LMF1: variants seen among roughly 807,000 people sequenced by gnomAD.
The protein encoded by LMF1 is transmembrane protein 112.
In LMF1, 68 loss-of-function variants were observed where a neutral mutation model predicts 60.6. The observed-to-expected ratio is 1.12, with a 90% CI of 0.92 to 1.37. LMF1 has a LOEUF of 1.37. Ranked by LOEUF, LMF1 falls within the 40% of genes most tolerant of loss-of-function variation. LMF1 has a pLI of 0.00. For missense variants in LMF1, 948 were observed against 767.2 expected, an observed-to-expected ratio of 1.24 and a Z score of -2.78; for synonymous variants, 418 against 324.7, an observed-to-expected ratio of 1.29 and a Z score of -3.09.
At chr16:905,437 T>C (rs973611625) in intron 4 of LMF1, among the ~76,000 whole-genome samples, 1 of 152,208 alleles carries the variant, frequency 6.6e-6, no homozygotes. Context: ...GGAGGAAGTA[T>C]CTCAGTTTAA....
chr16:979,133 T>G (rs2073262231), intron 1 of LMF1: 1 of 451,258 alleles, frequency 2.2e-6, no homozygotes, highest in Non-Finnish European at 4.5e-6. Context: ...AAGTGCTTAA[T>G]TAATACCTGG....
intron 5 of LMF1, chr16:884,298 A>G: frequency 6.6e-6 from 1 of 152,204 alleles, no homozygotes; most frequent in East Asian, 1.9e-4. Flanking sequence ...ATAATCGAAT[A>G]TTGCTTAAAA....
intron 5 of LMF1, 80 bp from the exon 6 acceptor site, chr16:879,817 C>T (rs926450032): frequency 7.2e-7 from 1 of 1,393,468 alleles, no homozygotes; most frequent in Admixed American, 2.1e-5. Context: ...GGTCCCTGGC[C>T]CCCTGACCCC....
chr16:939,287 C>T (rs2072031265), intron 2 of LMF1, among the ~76,000 whole-genome samples: 3 of 152,230 alleles, frequency 2.0e-5, no homozygotes, highest in African/African-American at 7.2e-5. Flanking sequence ...TGGGTGCAGG[C>T]TGGCGGCACC....
intron 5 of LMF1, among the ~76,000 whole-genome samples, chr16:883,501 G>A (rs2070224915): frequency 6.6e-6 from 1 of 152,208 alleles, no homozygotes. Flanking sequence ...GTTGAACTCT[G>A]ATGTTACTGG....
intron 3 of LMF1, chr16:931,719 C>G: frequency 7.8e-7 from 1 of 1,287,184 alleles, no homozygotes; most frequent in Non-Finnish European, 1.0e-6. Context: ...GCTCGGAAGG[C>G]AGGGAGAGCA....
At chr16:910,672 C>G (rs545509592) in intron 4 of LMF1, among the ~76,000 whole-genome samples, 4 of 152,278 alleles carry the variant, frequency 2.6e-5, no homozygotes, top group Admixed American at 2.6e-4. Flanking sequence ...CTCTGAGTCT[C>G]CTCCTGAAAC....
upstream of LMF1, among the ~76,000 whole-genome samples, chr16:974,448 G>A (rs1314700983): frequency 6.6e-6 from 1 of 152,226 alleles, no homozygotes; most frequent in Non-Finnish European, 1.5e-5. Context: ...GGAGAGGCCT[G>A]AGGGAGGGGA....
At chr16:975,831 G>A (rs1214328690), upstream of LMF1, 10 of 454,150 alleles carry the variant, frequency 2.2e-5, no homozygotes, top group East Asian at 1.4e-4. Flanking sequence ...CATCCTGGCC[G>A]GGGAGGTCAG....
intron 3 of LMF1, among the ~76,000 whole-genome samples, chr16:930,623 G>C (rs961813841): frequency 6.6e-6 from 1 of 152,240 alleles, no homozygotes; most frequent in Non-Finnish European, 1.5e-5. Context: ...CACTAGCGAC[G>C]GGGGCTGTGC....
In LMF1 at chr16:951,051, C is replaced by A. The variant is rs1336837090; in HGVS notation, c.503+3306G>T. Among the ~76,000 whole-genome samples, 7 of 99,952 alleles carry A rather than the reference C, an allele frequency of 7.0e-5. 1 individual carries two copies. Among genetic ancestry groups the A allele is most frequent in the Non-Finnish European group, 1.1e-4 (6 of 54,332 alleles). 65.6% of individuals were successfully genotyped at this position (99,952 alleles called of 152,430 possible). A position where few individuals can be genotyped will look rare whatever the true frequency, so the allele number is the denominator to read the frequency against. ...GAGTCAGAGCCAATGACAGAGTCAGCCAATGACAGAGTCAGCCGACAGAGT... is the reference window on the plus strand; with the variant it reads ...GAGTCAGAGCCAATGACAGAGTCAGACAATGACAGAGTCAGCCGACAGAGT... On this transcript the variant is annotated intron_variant, in intron 2 of 10. Transcript: ENST00000262301.
chr16:867,756 G>A (rs1379325279), intron 10 of LMF1, among the ~76,000 whole-genome samples: 1 of 152,064 alleles, frequency 6.6e-6, no homozygotes, highest in African/African-American at 2.4e-5. Flanking sequence ...CATGAGGAGG[G>A]ACCCCATAGC....
chr16:922,439 C>T (rs796758380), intron 3 of LMF1, among the ~76,000 whole-genome samples: 31 of 152,360 alleles, frequency 2.0e-4, no homozygotes, highest in African/African-American at 6.5e-4. Context: ...GGAGACAGCA[C>T]ACGGGCGTCC....
chr16:957,604 A>G (rs899537419), intron 1 of LMF1, among the ~76,000 whole-genome samples: 11 of 150,566 alleles, frequency 7.3e-5, no homozygotes, highest in South Asian at 2.1e-4. Flanking sequence ...TACATGGGAG[A>G]GCAAAGGGAT....
At chr16:910,080 A>T (rs2071069111) in intron 4 of LMF1, among the ~76,000 whole-genome samples, 1 of 152,264 alleles carries the variant, frequency 6.6e-6, no homozygotes, top group Non-Finnish European at 1.5e-5. Context: ...TGAAAATCTT[A>T]CTACCAAACC....
At chr16:912,683 G>A (rs1019875152) in intron 3 of LMF1, among the ~76,000 whole-genome samples, 3 of 152,172 alleles carry the variant, frequency 2.0e-5, no homozygotes, top group Non-Finnish European at 4.4e-5. Flanking sequence ...CAGGCTCGCT[G>A]GGCCCCATCT....
intron 2 of LMF1, among the ~76,000 whole-genome samples, chr16:949,454 C>T (rs1413688594): frequency 6.9e-6 from 1 of 144,290 alleles, no homozygotes; most frequent in African/African-American, 2.6e-5. Context: ...ACAGAGTCAG[C>T]CAATGACAGA....
At position 874,004 on chromosome 16, in the gene LMF1, A is replaced by G. The variant is rs1262658715; in HGVS notation, c.898-2663T>C. 3.9e-5 allele frequency: 6 copies of G among 152,378 alleles called. No homozygotes were observed. The highest frequency in any genetic ancestry group is 1.3e-4 in the Admixed American group (2 of 15,292). The allele number at this position is 152,378 out of a possible 1,614,324, so 9.4% of individuals were successfully genotyped here. The stretch of plus-strand genomic sequence containing the variant: ...CATGGAACGTCCGAGTCGGGAATCC[A>G]GAGATGAAGCTCCCAGTGGCTGGTG... On this transcript the variant is annotated intron_variant, in intron 6 of 10. Coordinates refer to ENST00000262301, the MANE Select transcript of LMF1 (RefSeq NM_022773.4). This position sits in a 1 kb window ranked among gnomAD's most constrained non-coding sequence, Gnocchi z 4.1.
At chr16:957,922 C>G (rs928951564) in intron 1 of LMF1, among the ~76,000 whole-genome samples, 4 of 152,070 alleles carry the variant, frequency 2.6e-5, no homozygotes, top group Non-Finnish European at 5.9e-5. Context: ...GCAGGAGGAT[C>G]GCTTGAGCCC....
Sources: gnomAD v4.1 joint callset for allele counts (sites outside exome capture counted in the v4.1 genomes callset) on GRCh38, gnomAD v4.1.1 for gene constraint, Gnocchi (gnomAD v3.1) non-coding constraint, MANE v1.5 for transcripts, NCBI Gene and HGNC (gene_info 2026-07-23, HGNC 2026-07-21) for gene names.